Variants in ZNF33A observed in about 807,000 individuals in gnomAD.
ZNF33A encodes brain my041 protein.
A neutral mutation model predicts 15.9 loss-of-function variants in ZNF33A; 9 were observed. The ratio of observed to expected loss-of-function variants is 0.57; its 90% CI spans 0.34 to 0.99. ZNF33A has a LOEUF of 0.99. Among genes scored for constraint, ZNF33A ranks in the 50% least tolerant of loss-of-function variants. The pLI, the probability that ZNF33A is intolerant of heterozygous loss-of-function variation, is 0.02. For synonymous variants in ZNF33A, 294 were observed against 324.2 expected (o/e 0.91, Z 1.00); for missense variants, 843 against 941.6 (o/e 0.90, Z 1.37).
chr10:38,041,269 C>A (rs551390028), intron 4 of ZNF33A, among the ~76,000 whole-genome samples: 16 of 151,846 alleles, frequency 1.1e-4, no homozygotes, highest in South Asian at 4.2e-4. Context: ...CTCCTCCCCA[C>A]CCCTCCAAGT....
rs2066522454 is a variant in ZNF33A, at chr10:38,057,203, A to G, written c.*643A>G. 1.0e-6 allele frequency: 1 copy of G among 984,482 alleles called. No homozygotes were observed. Among genetic ancestry groups the G allele is most frequent in the Non-Finnish European group, 1.2e-6 (1 of 829,268 alleles). The allele number at this position is 984,482 out of a possible 1,614,324, so 61.0% of individuals were successfully genotyped here. A position where few individuals can be genotyped will look rare whatever the true frequency, so the allele number is the denominator to read the frequency against. Reference sequence around the variant, plus strand: ...GAGTAACCATCAACACGATTAGTTTACAGAACTGAAAAGGAATCTGAGATC... The same window carrying G: ...GAGTAACCATCAACACGATTAGTTTGCAGAACTGAAAAGGAATCTGAGATC... On this transcript the variant is annotated 3_prime_UTR_variant, in exon 5 of 5. Transcript: ENST00000432900.
At chr10:38,022,405 C>T (rs1362136277) in intron 4 of ZNF33A, among the ~76,000 whole-genome samples, 2 of 152,054 alleles carry the variant, frequency 1.3e-5, no homozygotes, top group Non-Finnish European at 2.9e-5. Context: ...GCCTGTTATT[C>T]CAACACTTTG....
intron 4 of ZNF33A, among the ~76,000 whole-genome samples, chr10:38,036,447 A>AG (rs2065458263): frequency 6.6e-6 from 1 of 152,108 alleles, no homozygotes; most frequent in African/African-American, 2.4e-5. Context: ...CAAAAAAAAA[A>AG]TAAAAATAAA....
At chr10:38,011,041 G>A (rs1384222862) in intron 1 of ZNF33A, among the ~76,000 whole-genome samples, 2 of 152,120 alleles carry the variant, frequency 1.3e-5, no homozygotes, top group East Asian at 3.9e-4. Context: ...CGCTTGCGCA[G>A]TCCGCGCGCT....
chr10:38,046,539 A>C (rs1310697511), intron 4 of ZNF33A, among the ~76,000 whole-genome samples: 2 of 152,186 alleles, frequency 1.3e-5, no homozygotes, highest in Non-Finnish European at 2.9e-5. Context: ...AGTGCATCCT[A>C]GAAAAAAGCA....
chr10:38,028,317 C>G (rs1333558991), intron 4 of ZNF33A, among the ~76,000 whole-genome samples: 1 of 152,010 alleles, frequency 6.6e-6, no homozygotes, highest in South Asian at 2.1e-4. Flanking sequence ...TTCTGCCAGC[C>G]TCTGCCTTCT....
chr10:38,028,686 T>C (rs1356036888), intron 4 of ZNF33A, among the ~76,000 whole-genome samples: 1 of 152,198 alleles, frequency 6.6e-6, no homozygotes, highest in Non-Finnish European at 1.5e-5. Context: ...CAGGCTGGTC[T>C]TGAGCTCCTG....
Position 38,058,470 on chromosome 10 carries a change from TTAA to T in ZNF33A, c.*1914_*1916del, listed in dbSNP as rs1428329592. The T allele has an allele frequency of 1.1e-4, 17 of 152,206 alleles. No individual in the cohort carries two copies. The highest frequency in any genetic ancestry group is 4.1e-4 in the African/African-American group (17 of 41,554). The allele number at this position is 152,206 out of a possible 1,614,324, so 9.4% of individuals were successfully genotyped here. On this transcript the variant is annotated 3_prime_UTR_variant, in exon 5 of 5. Coordinates refer to ENST00000432900, the MANE Select transcript of ZNF33A (RefSeq NM_006954.2). ...TCTATTAAATAAACCAAAGCAGTAA[TTAA>T]TAACCTTCCAAGGCCAGGTACAGTG...
intron 4 of ZNF33A, among the ~76,000 whole-genome samples, chr10:38,040,586 A>C (rs1276670306): frequency 2.0e-5 from 3 of 152,126 alleles, no homozygotes; most frequent in African/African-American, 7.2e-5. Context: ...TTTTTGTATT[A>C]AAGTGTATTT....
intron 4 of ZNF33A, among the ~76,000 whole-genome samples, chr10:38,026,325 T>C (rs1427897083): frequency 2.3e-5 from 1 of 42,816 alleles, no homozygotes; most frequent in African/African-American, 5.4e-5. Context: ...AATGTGTAGA[T>C]AGATAGATAG....
In ZNF33A at chr10:38,017,384, CA is replaced by C; in HGVS notation, c.249del (p.Glu84LysfsTer8). On this transcript the variant is annotated frameshift_variant and splice_region_variant, in exon 4 of 5. Coordinates refer to ENST00000432900, the MANE Select transcript of ZNF33A (RefSeq NM_006954.2). LOFTEE classifies it high-confidence loss of function. Reference sequence around the variant, plus strand: ...GAAGAATTCCCAAGCCAAAGCTTTCCAGGTGAGTTAATATGTACTGCACAGA... The same window carrying C: ...GAAGAATTCCCAAGCCAAAGCTTTCCGGTGAGTTAATATGTACTGCACAGA... ...QEEEFPSQSF[P>X]EVWTADHLKE... 1.2e-6 allele frequency: 2 copies of C among 1,612,508 alleles called. No individual in the cohort carries two copies. Among genetic ancestry groups the C allele is most frequent in the Non-Finnish European group, 1.7e-6 (2 of 1,178,610 alleles).
chr10:38,017,206 A>C (rs1590462712), intron 3 of ZNF33A, 85 bp from the exon 4 acceptor site: 1 of 1,435,220 alleles, frequency 7.0e-7, no homozygotes, highest in East Asian at 2.3e-5. Flanking sequence ...TGGCAACTCG[A>C]AGCAGCCCCA....
chr10:38,058,074 G>T lies in ZNF33A; in HGVS notation c.*1514G>T. The T allele has an allele frequency of 2.0e-6, 2 of 981,642 alleles. No homozygotes were observed. The highest frequency in any genetic ancestry group is 1.2e-6 in the Non-Finnish European group (1 of 826,686). 60.8% of individuals were successfully genotyped at this position (981,642 alleles called of 1,614,324 possible). A position where few individuals can be genotyped will look rare whatever the true frequency, so the allele number is the denominator to read the frequency against. On this transcript the variant is annotated 3_prime_UTR_variant, in exon 5 of 5. Transcript: ENST00000432900. ...AGTCTAGTGATCCTAGATTACACAA[G>T]TAATCTAAGCTTCCACTTTAGGAAA...
downstream of ZNF33A, among the ~76,000 whole-genome samples, chr10:38,066,160 T>TGA (rs2066708155): frequency 6.6e-6 from 1 of 152,232 alleles, no homozygotes; most frequent in Non-Finnish European, 1.5e-5. Flanking sequence ...CATAGGCTTT[T>TGA]CTTCGACACA....
At chr10:38,051,393 C>T (rs2066197704) in intron 4 of ZNF33A, among the ~76,000 whole-genome samples, 1 of 152,108 alleles carries the variant, frequency 6.6e-6, no homozygotes, top group African/African-American at 2.4e-5. Flanking sequence ...AAAGAACCAA[C>T]AGGTTCCTAA....
chr10:38,014,437 C>T (rs183459618), intron 2 of ZNF33A, among the ~76,000 whole-genome samples: 1 of 152,122 alleles, frequency 6.6e-6, no homozygotes, highest in Non-Finnish European at 1.5e-5. Flanking sequence ...GATGACTTTT[C>T]CTACTTCAAG....
chr10:38,014,605 C>T (rs2135537356), intron 2 of ZNF33A, among the ~76,000 whole-genome samples: 1 of 152,266 alleles, frequency 6.6e-6, no homozygotes, highest in East Asian at 1.9e-4. Context: ...AAACACCATC[C>T]TTTCCCCACT....
At chr10:38,017,481 A>G in intron 4 of ZNF33A, 95 bp downstream of exon 4, 1 of 922,648 alleles carries the variant, frequency 1.1e-6, no homozygotes, top group Non-Finnish European at 1.7e-6. Context: ...ATTTTTCAAG[A>G]ACATCTCCAT....
Position 38,016,735 on chromosome 10 carries a change from A to G in ZNF33A, c.10-136A>G, listed in dbSNP as rs2064465700. On this transcript the variant is annotated intron_variant, in intron 2 of 4. Coordinates refer to ENST00000432900, the MANE Select transcript of ZNF33A (RefSeq NM_006954.2). ...TTTGCATGAATTAATATCTTAATGC[A>G]TTAATGGCAGAATATTTCTGTTATG... is the stretch of plus-strand genomic sequence containing the variant. 3 of 1,048,772 alleles carry G rather than the reference A, an allele frequency of 2.9e-6. No homozygotes were observed. The Admixed American group carries it at 9.4e-5, about 33-fold the overall frequency. 65.0% of individuals were successfully genotyped at this position (1,048,772 alleles called of 1,614,324 possible).
Sources: allele counts gnomAD v4.1 joint callset (sites outside exome capture counted in the v4.1 genomes callset), GRCh38; gene constraint gnomAD v4.1.1; transcripts MANE v1.5; gene names NCBI Gene and HGNC (gene_info 2026-07-23, HGNC 2026-07-21).